The following LHPP variants were observed in gnomAD, a reference collection of about 807,000 sequenced individuals.
LHPP encodes hLHPP.
LHPP carries 24 observed loss-of-function variants against 30.3 expected under a neutral mutation model. The observed-to-expected ratio is 0.79, with a 90% CI of 0.57 to 1.11. LHPP has a LOEUF of 1.11. Ranked by LOEUF, LHPP falls within the 50% of genes most tolerant of loss-of-function variation. The pLI is 0.00. For synonymous variants in LHPP, 150 were observed against 157.1 expected, an observed-to-expected ratio of 0.95 and a Z score of 0.34; for missense variants, 356 against 367.2, an observed-to-expected ratio of 0.97 and a Z score of 0.25.
At chr10:124,534,634 G>A (rs1007304828) in intron 6 of LHPP, among the ~76,000 whole-genome samples, 13 of 152,246 alleles carry the variant, frequency 8.5e-5, no homozygotes, top group African/African-American at 2.4e-4. Context: ...GAAGCTCTGA[G>A]GCCCAGTGAG....
intron 2 of LHPP, 32 bp downstream of exon 2, chr10:124,484,358 G>C (rs767125117): frequency 6.3e-7 from 1 of 1,590,024 alleles, no homozygotes; most frequent in Admixed American, 1.7e-5. Flanking sequence ...ACCTCACGGG[G>C]GTGAAAGCTC....
intron 6 of LHPP, among the ~76,000 whole-genome samples, chr10:124,568,753 G>A (rs1394487081): frequency 6.6e-6 from 1 of 152,206 alleles, no homozygotes; most frequent in African/African-American, 2.4e-5. Context: ...GGGCAGTGAG[G>A]AGGAGGCCAG....
intron 6 of LHPP, among the ~76,000 whole-genome samples, chr10:124,527,475 A>G (rs1443074936): frequency 6.6e-6 from 1 of 152,090 alleles, no homozygotes; most frequent in Non-Finnish European, 1.5e-5. Flanking sequence ...CTCTAGCTCC[A>G]CTGTCCTCAG....
At chr10:124,498,663 T>A in intron 5 of LHPP, 3 of 174,246 alleles carry the variant, frequency 1.7e-5, no homozygotes, top group Non-Finnish European at 3.2e-5. Flanking sequence ...TCTTTTTCTT[T>A]TTTTTTTTTT....
chr10:124,537,080 A>T (rs1338431212), intron 6 of LHPP, among the ~76,000 whole-genome samples: 6 of 152,378 alleles, frequency 3.9e-5, no homozygotes, highest in African/African-American at 1.4e-4. Flanking sequence ...CCTTATTTAC[A>T]GTAAGCCTTA....
intron 5 of LHPP, among the ~76,000 whole-genome samples, chr10:124,506,237 A>G (rs1954059640): frequency 6.6e-6 from 1 of 150,828 alleles, no homozygotes; most frequent in African/African-American, 2.4e-5. Context: ...CAAGAGAGTA[A>G]GACCTTGTCT....
intron 6 of LHPP, among the ~76,000 whole-genome samples, chr10:124,532,386 G>A (rs1011526798): frequency 1.3e-5 from 2 of 152,224 alleles, no homozygotes; most frequent in Admixed American, 6.5e-5. Flanking sequence ...ACACACATGC[G>A]TCCATGCTTA....
chr10:124,536,121 C>T (rs916369981), intron 6 of LHPP, among the ~76,000 whole-genome samples: 2 of 152,220 alleles, frequency 1.3e-5, no homozygotes, highest in East Asian at 3.9e-4. Flanking sequence ...GGGCTGGGGC[C>T]GGCACTGGGT....
At chr10:124,509,873 C>T (rs1424381975) in intron 5 of LHPP, among the ~76,000 whole-genome samples, 2 of 152,168 alleles carry the variant, frequency 1.3e-5, no homozygotes, top group East Asian at 3.9e-4. Flanking sequence ...TATTTGTGAA[C>T]CACGGAAGCT....
intron 6 of LHPP, among the ~76,000 whole-genome samples, chr10:124,559,511 C>G (rs998898725): frequency 6.6e-6 from 1 of 152,240 alleles, no homozygotes; most frequent in East Asian, 1.9e-4. Context: ...ACCCTTCCAG[C>G]GAAGTCACAT....
intron 5 of LHPP, among the ~76,000 whole-genome samples, chr10:124,514,559 T>C (rs1954398223): frequency 6.6e-6 from 1 of 152,220 alleles, no homozygotes; most frequent in African/African-American, 2.4e-5. Flanking sequence ...TCTAACGTCT[T>C]AATCTTCGTT....
At chr10:124,511,381 C>G (rs886222505) in intron 5 of LHPP, among the ~76,000 whole-genome samples, 1 of 152,182 alleles carries the variant, frequency 6.6e-6, no homozygotes, top group Non-Finnish European at 1.5e-5. Flanking sequence ...GTGCATGACA[C>G]ACTCTGGGAA....
Position 124,592,713 on chromosome 10 carries a change from T to C in LHPP, c.717-20551T>C, listed in dbSNP as rs1948896484. On this transcript the variant is annotated intron_variant, in intron 6 of 6. Coordinates refer to ENST00000368842, the MANE Select transcript of LHPP (RefSeq NM_022126.4). This position sits in a 1 kb window ranked among gnomAD's most constrained non-coding sequence, Gnocchi z 6.2. ...TGGTTTGTGGCTTCCCAGTAAACGGTGGGACAGGACCAGGGTCTGAGGAAA... is the reference window on the plus strand; with the variant it reads ...TGGTTTGTGGCTTCCCAGTAAACGGCGGGACAGGACCAGGGTCTGAGGAAA... Among the ~76,000 whole-genome samples the C allele has an allele frequency of 6.6e-6, 1 of 152,094 alleles. No individual in the cohort carries two copies. Among genetic ancestry groups the C allele is most frequent in the African/African-American group, 2.4e-5 (1 of 41,404 alleles).
chr10:124,484,683 AG>A (rs1233404052), intron 2 of LHPP, among the ~76,000 whole-genome samples: 1 of 151,692 alleles, frequency 6.6e-6, no homozygotes, highest in Non-Finnish European at 1.5e-5. Context: ...AGAGAGAGAG[AG>A]AGAGAGAGAG....
chr10:124,472,902 C>A (rs1023264083), intron 1 of LHPP, among the ~76,000 whole-genome samples: 1 of 152,150 alleles, frequency 6.6e-6, no homozygotes, highest in African/African-American at 2.4e-5. Flanking sequence ...AACACAACCA[C>A]CCCCGTATAT....
intron 6 of LHPP, among the ~76,000 whole-genome samples, chr10:124,610,074 G>A (rs193286430): frequency 5.9e-5 from 9 of 152,322 alleles, no homozygotes; most frequent in South Asian, 2.1e-4. Flanking sequence ...AATGTGGCCC[G>A]TACCATAGAA....
chr10:124,602,484 G>A (rs1589711424), intron 6 of LHPP, among the ~76,000 whole-genome samples: 1 of 152,154 alleles, frequency 6.6e-6, no homozygotes, highest in East Asian at 1.9e-4. Context: ...TGGGCAGCAG[G>A]CAGGCCTATT....
At chr10:124,463,281 C>G (rs994680038) in intron 1 of LHPP, among the ~76,000 whole-genome samples, 1 of 151,612 alleles carries the variant, frequency 6.6e-6, no homozygotes. Context: ...CTTTGTGGCT[C>G]TCATTATAAT....
chr10:124,538,084 G>A (rs1955077504), intron 6 of LHPP, among the ~76,000 whole-genome samples: 1 of 152,194 alleles, frequency 6.6e-6, no homozygotes, highest in Non-Finnish European at 1.5e-5. Context: ...CACCTGCGGG[G>A]CCCGCCATGC....
Sources: gnomAD v4.1 joint callset for allele counts (sites outside exome capture counted in the v4.1 genomes callset) on GRCh38, gnomAD v4.1.1 for gene constraint, Gnocchi (gnomAD v3.1) non-coding constraint, MANE v1.5 for transcripts, NCBI Gene and HGNC (gene_info 2026-07-23, HGNC 2026-07-21) for gene names.